EPM2A: variants seen among roughly 807,000 people sequenced by gnomAD.
EPM2A encodes the protein EPM2A glucan phosphatase, laforin.
EPM2A carries 21 observed loss-of-function variants against 26.5 expected under a neutral mutation model. That is an observed-to-expected ratio of 0.79 (90% CI 0.56 to 1.14). EPM2A has a LOEUF of 1.14. Among genes scored for constraint, EPM2A ranks in the 50% most tolerant of loss-of-function variants. The probability of loss-of-function intolerance (pLI) is 0.00; values close to 1 mark genes in which losing one functional copy is unlikely to be tolerated. For synonymous variants in EPM2A, 217 were observed against 177.6 expected, an observed-to-expected ratio of 1.22 and a Z score of -1.76; for missense variants, 458 against 440.8, an observed-to-expected ratio of 1.04 and a Z score of -0.35.
At chr6:145,623,064 C>A (rs970199069), downstream of EPM2A, among the ~76,000 whole-genome samples, 1 of 152,158 alleles carries the variant, frequency 6.6e-6, no homozygotes, top group Non-Finnish European at 1.5e-5. Flanking sequence ...TTAGACAATA[C>A]CTATAACATT....
At chr6:145,686,403 G>T in intron 1 of EPM2A, 107 bp from the exon 2 acceptor site, 1 of 872,730 alleles carries the variant, frequency 1.1e-6, no homozygotes, top group Non-Finnish European at 1.9e-6. Context: ...TAAACATAAA[G>T]CTACTTAATC....
At chr6:145,493,940 G>GTTTTC (rs1779786982) in intron 4 of EPM2A, among the ~76,000 whole-genome samples, 1 of 152,110 alleles carries the variant, frequency 6.6e-6, no homozygotes, top group Non-Finnish European at 1.5e-5. Flanking sequence ...TTGTCCTGAG[G>GTTTTC]TTTTCTTTTT....
At chr6:145,663,942 T>G (rs1209014258) in intron 2 of EPM2A, among the ~76,000 whole-genome samples, 1 of 80,862 alleles carries the variant, frequency 1.2e-5, no homozygotes, top group East Asian at 4.7e-4. Flanking sequence ...AGAAATAAAA[T>G]ACTTTACAGA....
At chr6:145,635,724 AC>A (rs1776617199) in intron 2 of EPM2A, 2 of 499,008 alleles carry the variant, frequency 4.0e-6, no homozygotes, top group Non-Finnish European at 7.3e-6. Context: ...ACATTTGCAA[AC>A]CAAATCAAGC....
intron 2 of EPM2A, among the ~76,000 whole-genome samples, chr6:145,541,698 A>G (rs1780512954): frequency 6.6e-6 from 1 of 152,150 alleles, no homozygotes; most frequent in Admixed American, 6.6e-5. Flanking sequence ...TGAAGAATAT[A>G]CTTGCAATGA....
chr6:145,624,108 T>A (rs1204194889), downstream of EPM2A, among the ~76,000 whole-genome samples: 2 of 152,180 alleles, frequency 1.3e-5, no homozygotes, highest in Non-Finnish European at 2.9e-5. Flanking sequence ...AGTCTCATCT[T>A]CTATCAGTTT....
At chr6:145,672,411 A>T (rs1307017590) in intron 2 of EPM2A, among the ~76,000 whole-genome samples, 3 of 152,232 alleles carry the variant, frequency 2.0e-5, no homozygotes, top group African/African-American at 7.2e-5. Context: ...TAACAGAGCT[A>T]CAACAAACAA....
intron 1 of EPM2A, among the ~76,000 whole-genome samples, chr6:145,711,285 A>G (rs912357950): frequency 1.3e-5 from 2 of 152,202 alleles, no homozygotes; most frequent in African/African-American, 4.8e-5. Context: ...ATGTGGCTGA[A>G]GAAATACTCA....
intron 4 of EPM2A, among the ~76,000 whole-genome samples, chr6:145,469,307 A>G (rs1280940833): frequency 1.3e-5 from 2 of 152,162 alleles, no homozygotes; most frequent in East Asian, 3.8e-4. Flanking sequence ...CTCCCTTGAC[A>G]TGTGAGCATT....
At chr6:145,477,842 C>G (rs972431749) in intron 4 of EPM2A, among the ~76,000 whole-genome samples, 4 of 151,716 alleles carry the variant, frequency 2.6e-5, no homozygotes, top group Non-Finnish European at 5.9e-5. Flanking sequence ...TGGGGAGAAA[C>G]TAAAAGCCTT....
At chr6:145,467,678 A>G (rs936518784) in intron 4 of EPM2A, among the ~76,000 whole-genome samples, 4 of 152,274 alleles carry the variant, frequency 2.6e-5, no homozygotes, top group African/African-American at 9.6e-5. Flanking sequence ...TTATAGATTA[A>G]TTTGGGGAGA....
chr6:145,504,474 G>T (rs1326746365), intron 2 of EPM2A, among the ~76,000 whole-genome samples: 2 of 126,666 alleles, frequency 1.6e-5, no homozygotes, highest in Non-Finnish European at 3.4e-5. Context: ...CATTTATGCA[G>T]CCAAAAAACA....
intron 4 of EPM2A, among the ~76,000 whole-genome samples, chr6:145,397,721 T>C (rs2114663694): frequency 6.6e-6 from 1 of 152,314 alleles, no homozygotes; most frequent in East Asian, 1.9e-4. Context: ...AAAAGGCTCT[T>C]ATCAAGTATT....
chr6:145,715,041 C>T (rs866236150), intron 1 of EPM2A, among the ~76,000 whole-genome samples: 1 of 152,164 alleles, frequency 6.6e-6, no homozygotes, highest in South Asian at 2.1e-4. Flanking sequence ...TGCCACTGCT[C>T]AGTTCTAAAA....
intron 4 of EPM2A, among the ~76,000 whole-genome samples, chr6:145,432,164 T>C (rs1311584315): frequency 6.6e-6 from 1 of 152,188 alleles, no homozygotes; most frequent in Non-Finnish European, 1.5e-5. Context: ...CCCAAAGTCA[T>C]CCATCAGGGC....
At chr6:145,683,268 G>GGTGT (rs35326843) in intron 2 of EPM2A, among the ~76,000 whole-genome samples, 9,466 of 133,884 alleles carry the variant, frequency 0.071, 519 homozygotes, top group African/African-American at 0.14. Flanking sequence ...CCCAGGATTT[G>GGTGT]GTGTGTGTGT....
intron 2 of EPM2A, among the ~76,000 whole-genome samples, chr6:145,669,585 G>T (rs1290178313): frequency 1.3e-5 from 2 of 152,146 alleles, no homozygotes; most frequent in Non-Finnish European, 1.5e-5. Context: ...TCACATAATA[G>T]ATTTAATTCT....
intron 2 of EPM2A, among the ~76,000 whole-genome samples, chr6:145,503,629 G>C (rs1371522037): frequency 1.0e-5 from 1 of 97,130 alleles, no homozygotes; most frequent in Non-Finnish European, 2.1e-5. Context: ...CCATGCTCAT[G>C]GGTAGGAAGA....
rs566299532 is a variant in EPM2A, at chr6:145,708,988, T to C, written c.302-22692A>G. ...ACTTTAAGGTTTAATGACTGTCCTA[T>C]TGGTTTTCAGACTTCATGGGGCCTG... On this transcript the variant is annotated intron_variant, in intron 1 of 3. Coordinates refer to ENST00000367519, the MANE Select transcript of EPM2A (RefSeq NM_005670.4). Among the ~76,000 whole-genome samples, 53 of 152,352 alleles carry C rather than the reference T, an allele frequency of 3.5e-4. No individual in the cohort carries two copies. In the South Asian group the frequency reaches 6.2e-3, roughly 18 times the overall value.
Sources: allele counts gnomAD v4.1 joint callset (sites outside exome capture counted in the v4.1 genomes callset), GRCh38; gene constraint gnomAD v4.1.1; transcripts MANE v1.5; gene names NCBI Gene and HGNC (gene_info 2026-07-23, HGNC 2026-07-21).